Variants in FRMD4A observed in about 807,000 individuals in gnomAD.
The protein encoded by FRMD4A is FERM domain containing 4A.
In FRMD4A, 29 loss-of-function variants were observed where a neutral mutation model predicts 129.1. That is an observed-to-expected ratio of 0.22 (90% CI 0.17 to 0.31). The LOEUF is 0.31. Ranked by LOEUF, FRMD4A falls within the 10% of genes least tolerant of loss-of-function variation. The pLI is 1.00. For synonymous variants in FRMD4A, 634 were observed against 571.6 expected (o/e 1.11, Z -1.56); for missense variants, 1,272 against 1,375.8 (o/e 0.92, Z 1.19).
At chr10:14,233,065 C>G (rs186128577) in intron 2 of FRMD4A, among the ~76,000 whole-genome samples, 84 of 152,288 alleles carry the variant, frequency 5.5e-4, no homozygotes, top group African/African-American at 1.7e-3. Context: ...CTGGCATTTT[C>G]TTAATCCTCT....
chr10:14,010,998 T>C (rs1390098536), intron 2 of FRMD4A, among the ~76,000 whole-genome samples: 1 of 152,188 alleles, frequency 6.6e-6, no homozygotes, highest in African/African-American at 2.4e-5. Flanking sequence ...CGTTTCATTA[T>C]CCCTGTTTCA....
chr10:14,063,380 T>A (rs1269556809), intron 2 of FRMD4A, among the ~76,000 whole-genome samples: 1 of 152,118 alleles, frequency 6.6e-6, no homozygotes, highest in African/African-American at 2.4e-5. Context: ...AGCCAGACAT[T>A]TGCTGTGCCA....
chr10:13,788,284 C>T (rs993298725), intron 5 of FRMD4A, among the ~76,000 whole-genome samples: 108 of 152,296 alleles, frequency 7.1e-4, no homozygotes, highest in African/African-American at 2.3e-3. Flanking sequence ...CCTAGGGACA[C>T]GTACCAGACA....
chr10:14,065,907 C>T lies in FRMD4A; in HGVS notation c.46-206995G>A, dbSNP rs1588898722. Among the ~76,000 whole-genome samples, 6 of 152,178 alleles carry T rather than the reference C, an allele frequency of 3.9e-5. No homozygotes were observed. The South Asian group carries it at 1.0e-3, about 26-fold the overall frequency. On this transcript the variant is annotated intron_variant, in intron 2 of 24. Transcript: ENST00000357447. ...GTAGCAGGTTGGAGATACCCGGGGT[C>T]CTAGCCCCCTGTTATCCTTGCTGAC...
intron 3 of FRMD4A, among the ~76,000 whole-genome samples, chr10:13,842,016 C>T (rs948643213): frequency 6.6e-6 from 1 of 152,182 alleles, no homozygotes; most frequent in Non-Finnish European, 1.5e-5. Context: ...CTCTTGCCCA[C>T]CCACTCAGCA....
chr10:14,067,691 C>A (rs950505771), intron 2 of FRMD4A, among the ~76,000 whole-genome samples: 4 of 152,108 alleles, frequency 2.6e-5, no homozygotes, highest in African/African-American at 9.7e-5. Context: ...GTGGTGCATG[C>A]CCGTAGTCCC....
chr10:14,146,757 G>A (rs1840095990), intron 2 of FRMD4A, among the ~76,000 whole-genome samples: 1 of 152,144 alleles, frequency 6.6e-6, no homozygotes, highest in Non-Finnish European at 1.5e-5. Context: ...TCAGCTTGGG[G>A]GACAGGGACA....
intron 2 of FRMD4A, among the ~76,000 whole-genome samples, chr10:14,154,812 G>A (rs1425780205): frequency 1.3e-5 from 2 of 152,114 alleles, no homozygotes; most frequent in Non-Finnish European, 2.9e-5. Flanking sequence ...TGCAAACCTT[G>A]AACAATACAG....
chr10:13,737,693 G>C, intron 12 of FRMD4A, 151 bp downstream of exon 12: 1 of 580,828 alleles, frequency 1.7e-6, no homozygotes, highest in Non-Finnish European at 3.1e-6. Flanking sequence ...AACTCAGATG[G>C]GATTGCTGTG....
chr10:13,967,717 G>T (rs936063454), intron 2 of FRMD4A, among the ~76,000 whole-genome samples: 1 of 152,188 alleles, frequency 6.6e-6, no homozygotes, highest in Admixed American at 6.5e-5. Context: ...TCTGTCATTA[G>T]TTCCTGCTAA....
At chr10:13,936,090 T>C (rs2095246995) in intron 2 of FRMD4A, among the ~76,000 whole-genome samples, 1 of 152,244 alleles carries the variant, frequency 6.6e-6, no homozygotes, top group Non-Finnish European at 1.5e-5. Context: ...TGTAAGATCT[T>C]ATATTGAATA....
At chr10:14,252,873 A>G in intron 2 of FRMD4A, among the ~76,000 whole-genome samples, 1 of 152,172 alleles carries the variant, frequency 6.6e-6, no homozygotes, top group East Asian at 1.9e-4. Context: ...CATTCATTCT[A>G]TATTTATCTG....
rs534471167 is a variant in FRMD4A, at chr10:14,290,453, A to G, written c.45+39605T>C. On this transcript the variant is annotated intron_variant, in intron 2 of 24. Transcript: ENST00000357447. ...TATATACAGTCAACTGATTTTGACA[A>G]TGATGCCAAGAATACATACTGGGGA... Among the ~76,000 whole-genome samples the G allele has an allele frequency of 1.3e-3, 198 of 152,268 alleles. 1 individual carries two copies. The highest frequency in any genetic ancestry group is 4.6e-3 in the African/African-American group (190 of 41,588).
intron 2 of FRMD4A, among the ~76,000 whole-genome samples, chr10:14,243,330 G>T (rs977952106): frequency 1.3e-5 from 2 of 152,124 alleles, no homozygotes; most frequent in African/African-American, 4.8e-5. Flanking sequence ...TTCTCATGAG[G>T]TCTGATGATT....
At chr10:14,196,866 ACTT>A (rs1268808802) in intron 2 of FRMD4A, among the ~76,000 whole-genome samples, 1 of 152,210 alleles carries the variant, frequency 6.6e-6, no homozygotes, top group Non-Finnish European at 1.5e-5. Flanking sequence ...TTTGGGCTAA[ACTT>A]CTTACCCTGG....
intron 2 of FRMD4A, among the ~76,000 whole-genome samples, chr10:14,119,493 A>T (rs763300095): frequency 9.2e-5 from 14 of 152,140 alleles, no homozygotes; most frequent in Non-Finnish European, 1.8e-4. Context: ...GCTGATGGTG[A>T]TGTTTGCCGT....
At chr10:13,893,646 C>A (rs1380544681) in intron 2 of FRMD4A, among the ~76,000 whole-genome samples, 2 of 152,036 alleles carry the variant, frequency 1.3e-5, no homozygotes, top group East Asian at 1.9e-4. Flanking sequence ...CTTAGCCTCC[C>A]GAGTAGCTGG....
intron 14 of FRMD4A, among the ~76,000 whole-genome samples, chr10:13,697,880 T>C (rs1004159515): frequency 1.3e-5 from 2 of 152,178 alleles, no homozygotes; most frequent in African/African-American, 4.8e-5. Context: ...CTCTAAGACG[T>C]TCCTTGGCTC....
chr10:13,772,077 A>G (rs2092470563), intron 6 of FRMD4A, among the ~76,000 whole-genome samples: 1 of 150,128 alleles, frequency 6.7e-6, no homozygotes, highest in South Asian at 2.1e-4. Context: ...AGATCACGTC[A>G]CCGCACTCCA....
Sources: allele counts gnomAD v4.1 joint callset (sites outside exome capture counted in the v4.1 genomes callset), GRCh38; gene constraint gnomAD v4.1.1; transcripts MANE v1.5; gene names NCBI Gene and HGNC (gene_info 2026-07-23, HGNC 2026-07-21).